MAP3K5: variants seen among roughly 807,000 people sequenced by gnomAD.
MAP3K5 encodes the protein ASK-1.
In MAP3K5, 56 loss-of-function variants were observed where a neutral mutation model predicts 158.7. The observed-to-expected ratio is 0.35, with a 90% CI of 0.28 to 0.44. The LOEUF (loss-of-function observed/expected upper bound fraction) is 0.44, where lower values mean the gene tolerates loss of function less well. MAP3K5 is among the 20% of genes least tolerant of loss of function. The probability of loss-of-function intolerance (pLI) is 1.00; values close to 1 mark genes in which losing one functional copy is unlikely to be tolerated. For missense variants in MAP3K5, 1,294 were observed against 1,674.8 expected, an observed-to-expected ratio of 0.77 and a Z score of 3.97; for synonymous variants, 579 against 601.7, an observed-to-expected ratio of 0.96 and a Z score of 0.55.
At chr6:136,684,819 T>C (rs951367100) in intron 7 of MAP3K5, among the ~76,000 whole-genome samples, 4 of 152,154 alleles carry the variant, frequency 2.6e-5, no homozygotes, top group Non-Finnish European at 5.9e-5. Context: ...TAAATACAAA[T>C]TGCATTATTT....
rs1397900251 is a variant in MAP3K5 at position 136,757,584 on chromosome 6, TTA to T, written c.448+34124_448+34125del. Among the ~76,000 whole-genome samples the T allele has an allele frequency of 7.9e-3, 1,094 of 138,700 alleles. 16 individuals are homozygous for T. Among genetic ancestry groups the T allele is most frequent in the African/African-American group, 0.025 (965 of 37,970 alleles). The allele number at this position is 138,700 out of a possible 152,430, so 91.0% of individuals were successfully genotyped here. On this transcript the variant is annotated intron_variant, in intron 1 of 29. Transcript: ENST00000359015. ...TTTTATAGATTTATTTATTTATTTT[TTA>T]TTTTTTTTTTTTTTTTTTGAGACGG...
intron 1 of MAP3K5, among the ~76,000 whole-genome samples, chr6:136,778,160 A>G (rs1012867626): frequency 3.9e-5 from 6 of 152,204 alleles, no homozygotes; most frequent in Non-Finnish European, 8.8e-5. Flanking sequence ...AGTAAATTTA[A>G]TAATATTTTA....
intron 14 of MAP3K5, among the ~76,000 whole-genome samples, chr6:136,623,690 C>G (rs768843985): frequency 6.6e-6 from 1 of 152,178 alleles, no homozygotes; most frequent in Non-Finnish European, 1.5e-5. Context: ...CACCCCAAAG[C>G]CACATCCTTT....
intron 1 of MAP3K5, among the ~76,000 whole-genome samples, chr6:136,765,128 C>T (rs1783907709): frequency 6.6e-6 from 1 of 152,146 alleles, no homozygotes; most frequent in African/African-American, 2.4e-5. Flanking sequence ...ATAATAAAAG[C>T]ACATCTAAAA....
At chr6:136,666,147 C>T (rs1242320598) in intron 8 of MAP3K5, among the ~76,000 whole-genome samples, 1 of 152,132 alleles carries the variant, frequency 6.6e-6, no homozygotes, top group Non-Finnish European at 1.5e-5. Flanking sequence ...TAAATCCTAG[C>T]TCTAAATAGC....
At chr6:136,615,659 T>C (rs1776531229) in intron 15 of MAP3K5, among the ~76,000 whole-genome samples, 1 of 152,172 alleles carries the variant, frequency 6.6e-6, no homozygotes, top group Admixed American at 6.5e-5. Context: ...CTAAATATTG[T>C]AGGGTGTCAG....
chr6:136,569,396 C>T, intron 25 of MAP3K5, among the ~76,000 whole-genome samples: 1 of 152,150 alleles, frequency 6.6e-6, no homozygotes, highest in Non-Finnish European at 1.5e-5. Context: ...TAGCTTGTTA[C>T]TTAGGGGCTT....
At chr6:136,765,729 CA>C (rs1277722655) in intron 1 of MAP3K5, among the ~76,000 whole-genome samples, 1 of 148,450 alleles carries the variant, frequency 6.7e-6, no homozygotes, top group Non-Finnish European at 1.5e-5. Context: ...AGGGTTTCAC[CA>C]TGTTGACCAG....
In MAP3K5 at chr6:136,558,891, G is replaced by T; in HGVS notation, c.3988-15C>A. 1 of 1,330,542 alleles carries T rather than the reference G, an allele frequency of 7.5e-7. No homozygotes were observed. The highest frequency in any genetic ancestry group is 1.2e-5 in the South Asian group (1 of 83,210). The allele number at this position is 1,330,542 out of a possible 1,614,324, so 82.4% of individuals were successfully genotyped here. A position where few individuals can be genotyped will look rare whatever the true frequency, so the allele number is the denominator to read the frequency against. Reference sequence around the variant, plus strand: ...TCAGCCAAAAACTGTAGAGAAAGTAGAATATGCACAAAAGATGTTTTATAT... The same window carrying T: ...TCAGCCAAAAACTGTAGAGAAAGTATAATATGCACAAAAGATGTTTTATAT... On this transcript the variant is annotated splice_polypyrimidine_tract_variant and intron_variant, in intron 28 of 29. Transcript: ENST00000359015.
chr6:136,669,706 C>T (rs1779391776), intron 7 of MAP3K5, among the ~76,000 whole-genome samples: 1 of 151,920 alleles, frequency 6.6e-6, no homozygotes, highest in Admixed American at 6.6e-5. Flanking sequence ...GCATTTGTTA[C>T]AAGATGAAAA....
In MAP3K5 at chr6:136,651,110, A is replaced by G. The variant is rs745710713; in HGVS notation, c.1681-19T>C. The G allele has an allele frequency of 1.5e-6, 2 of 1,332,764 alleles. No individual in the cohort carries two copies. Among genetic ancestry groups the G allele is most frequent in the South Asian group, 1.2e-5 (1 of 82,608 alleles). The allele number at this position is 1,332,764 out of a possible 1,614,324, so 82.6% of individuals were successfully genotyped here. On this transcript the variant is annotated intron_variant, in intron 10 of 29. Transcript: ENST00000359015. ...TTAATACCTTGAAAAGATACGGCAA[A>G]GAAACTAATATCAGTGACTTAAGAC...
intron 11 of MAP3K5, among the ~76,000 whole-genome samples, chr6:136,648,954 G>C (rs1778396542): frequency 6.6e-6 from 1 of 152,160 alleles, no homozygotes; most frequent in Admixed American, 6.5e-5. Flanking sequence ...TGCAGATTAG[G>C]AATCTGCAAT....
intron 21 of MAP3K5, among the ~76,000 whole-genome samples, chr6:136,600,104 C>T (rs1775807922): frequency 6.6e-6 from 1 of 152,028 alleles, no homozygotes; most frequent in Admixed American, 6.6e-5. Context: ...GCCTGCAGAA[C>T]CCATGCACAA....
In MAP3K5 at chr6:136,592,286, C is replaced by A. The variant is rs756271841; in HGVS notation, c.3112G>T (p.Asp1038Tyr). The change falls in exon 23 of 30, where the codon GAT becomes TAT. Residue 1038 changes from aspartate (D) to tyrosine (Y), a missense_variant. By Grantham distance (160) the Asp-to-Tyr change is radical. This residue lies in a region of MAP3K5 where 362 missense variants were observed against 463.2 expected (regional missense o/e 0.78). Transcript: ENST00000359015. ...HSAPPSPEEK[D>Y]SGFFMLRKDS... is the part of the protein sequence containing the mutation. The stretch of plus-strand genomic sequence containing the variant: ...TTCCTCAGCATGAAGAATCCAGAAT[C>A]TTTTTCTTCAGGGGAAGGAGGAGCA... The A allele has an allele frequency of 1.6e-5, 25 of 1,609,552 alleles. No homozygotes were observed. The highest frequency in any genetic ancestry group is 2.0e-5 in the Non-Finnish European group (24 of 1,178,092).
At chr6:136,691,432 G>A (rs1372061916) in intron 7 of MAP3K5, among the ~76,000 whole-genome samples, 1 of 152,034 alleles carries the variant, frequency 6.6e-6, no homozygotes, top group Admixed American at 6.6e-5. Context: ...ACAACATGGG[G>A]AAACCCGGAC....
At chr6:136,739,896 G>A (rs1248171653) in intron 1 of MAP3K5, among the ~76,000 whole-genome samples, 3 of 152,280 alleles carry the variant, frequency 2.0e-5, no homozygotes, top group East Asian at 3.9e-4. Flanking sequence ...GCAAGCGGCA[G>A]TTCCTGCACC....
chr6:136,660,651 T>C (rs547522450), intron 8 of MAP3K5, among the ~76,000 whole-genome samples: 1 of 152,242 alleles, frequency 6.6e-6, no homozygotes, highest in African/African-American at 2.4e-5. Context: ...CCTTGTAGCA[T>C]TGTTTGGTGC....
intron 18 of MAP3K5, 50 bp from the exon 19 acceptor site, chr6:136,605,416 G>T (rs967970718): frequency 2.4e-5 from 35 of 1,485,690 alleles, no homozygotes; most frequent in Non-Finnish European, 3.2e-5. Flanking sequence ...AAACAGAAGG[G>T]TATCTAATGA....
chr6:136,722,646 G>A (rs1388970482), intron 1 of MAP3K5, among the ~76,000 whole-genome samples: 2 of 146,960 alleles, frequency 1.4e-5, no homozygotes, highest in Non-Finnish European at 3.0e-5. Context: ...GCTGTGGGAA[G>A]TGTAAACTTT....
Sources: allele counts gnomAD v4.1 joint callset (sites outside exome capture counted in the v4.1 genomes callset), GRCh38; gene constraint gnomAD v4.1.1; regional missense constraint gnomAD v4.1.1; transcripts MANE v1.5; gene names NCBI Gene and HGNC (gene_info 2026-07-23, HGNC 2026-07-21).